Variants in ECSIT observed in about 807,000 individuals in gnomAD.
ECSIT encodes evolutionarily conserved signaling intermediate in Toll pathway, mitochondrial.
In ECSIT, 29 loss-of-function variants were observed where a neutral mutation model predicts 36.8. The ratio of observed to expected loss-of-function variants is 0.79; its 90% confidence interval spans 0.59 to 1.08. The LOEUF is 1.08. Ranked by LOEUF, ECSIT falls within the 50% of genes least tolerant of loss-of-function variation. The pLI is 0.00. For missense variants in ECSIT, 542 were observed against 581.0 expected, an observed-to-expected ratio of 0.93 and a Z score of 0.69; for synonymous variants, 231 against 234.8, an observed-to-expected ratio of 0.98 and a Z score of 0.15.
At chr19:11,513,035 G>A (rs946164348) in intron 4 of ECSIT, 21 bp downstream of exon 4, 6 of 1,611,162 alleles carry the variant, frequency 3.7e-6, no homozygotes, top group East Asian at 2.2e-5. Context: ...GGCAGCTGAC[G>A]CTGTAGACAA....
Position 11,523,644 on chromosome 19 carries a change from T to C in ECSIT, c.-23-4451A>G, listed in dbSNP as rs1972153267. 3 of 808,804 alleles carry C rather than the reference T, an allele frequency of 3.7e-6. No homozygotes were observed. The South Asian group carries it at 4.1e-5, about 11-fold the overall frequency. 50.1% of individuals were successfully genotyped at this position (808,804 alleles called of 1,614,324 possible). A position where few individuals can be genotyped will look rare whatever the true frequency, so the allele number is the denominator to read the frequency against. On this transcript the variant is annotated intron_variant, in intron 1 of 7. Transcript: ENST00000270517. The stretch of plus-strand genomic sequence containing the variant: ...TCAAGCTGGTGGAGTCCCTTTGTGC[T>C]GAGCACCAAATCAACTTAATTAAGG...
At chr19:11,525,932 C>G (rs999822016) in intron 1 of ECSIT, among the ~76,000 whole-genome samples, 1 of 151,378 alleles carries the variant, frequency 6.6e-6, no homozygotes, top group East Asian at 2.0e-4. Flanking sequence ...AAAGCAAAAT[C>G]TCGGCCCTAT....
At chr19:11,515,697 G>C (rs936548409) in intron 2 of ECSIT, among the ~76,000 whole-genome samples, 8 of 150,154 alleles carry the variant, frequency 5.3e-5, no homozygotes, top group African/African-American at 2.0e-4. Flanking sequence ...GCAGTCACAC[G>C]ATCTCAGCTC....
rs1350917283 is a variant in ECSIT at position 11,519,172 on chromosome 19, C to T, written c.-2G>A. On this transcript the variant is annotated 5_prime_UTR_variant, in exon 2 of 8. Transcript: ENST00000270517. The surrounding 1 kb of genome is among the most constrained non-coding windows in gnomAD (Gnocchi z 4.4). Reference sequence around the variant, plus strand: ...TAGGGTGGCCTGGACCCAGCTCATGCCTCTGCTTGTCAGACAATCACCTGG... The same window carrying T: ...TAGGGTGGCCTGGACCCAGCTCATGTCTCTGCTTGTCAGACAATCACCTGG... 6.5e-7 allele frequency: 1 copy of T among 1,549,118 alleles called. No individual in the cohort carries two copies. Among genetic ancestry groups the T allele is most frequent in the Non-Finnish European group, 8.7e-7 (1 of 1,146,636 alleles).
Position 11,506,063 on chromosome 19 carries a change from G to A in ECSIT, c.*121C>T. ...CTGGGGAGGGGATGCCATACTGCTA[G>A]AGATGAGGGAAGAGAGCCCCAAGCA... On this transcript the variant is annotated 3_prime_UTR_variant, in exon 8 of 8. Transcript: ENST00000270517. 6.8e-7 allele frequency: 1 copy of A among 1,472,920 alleles called. No homozygotes were observed. Among genetic ancestry groups the A allele is most frequent in the East Asian group, 2.3e-5 (1 of 43,734 alleles). 91.2% of individuals were successfully genotyped at this position (1,472,920 alleles called of 1,614,324 possible).
At chr19:11,509,712 G>C (rs1411941187) in intron 4 of ECSIT, among the ~76,000 whole-genome samples, 1 of 151,518 alleles carries the variant, frequency 6.6e-6, no homozygotes, top group South Asian at 2.1e-4. Context: ...AGGTTGTAGT[G>C]AGCCGAGATT....
At position 11,506,249 on chromosome 19, in the gene ECSIT, G is replaced by A; in HGVS notation, c.1231C>T (p.Pro411Ser). The change falls in exon 8 of 8, where the codon CCC (proline) becomes TCC (serine). Residue 411 changes from proline (P) to serine (S), a missense_variant. Pro to Ser is a moderately conservative substitution (Grantham distance 74). Transcript: ENST00000270517. ...TCTTCCTGGTGGTCCTCGGGCAGGG[G>A]CGGCTCCTCCAGCCCTGCAGAGGAT... is the stretch of plus-strand genomic sequence containing the variant. ...QTSSAGLEEP[P>S]LPEDHQEEDD... 6.2e-7 allele frequency: 1 copy of A among 1,610,512 alleles called. No homozygotes were observed. The highest frequency in any genetic ancestry group is 8.5e-7 in the Non-Finnish European group (1 of 1,179,868).
intron 1 of ECSIT, among the ~76,000 whole-genome samples, chr19:11,524,988 T>C (rs1260909559): frequency 1.3e-5 from 2 of 151,402 alleles, no homozygotes; most frequent in East Asian, 3.9e-4. Flanking sequence ...AATACAAAAA[T>C]TAGCGGGACA....
chr19:11,519,770 C>T lies in ECSIT; in HGVS notation c.-23-577G>A, dbSNP rs140057155. 0.015 allele frequency: 2,282 copies of T among 154,102 alleles called. 55 individuals carry two copies. The highest frequency in any genetic ancestry group is 0.052 in the African/African-American group (2,151 of 41,478). The allele number at this position is 154,102 out of a possible 1,614,324, so 9.5% of individuals were successfully genotyped here. ...ATCACTCGAAGTTGGGAGTTCGAGACCAGCCTGACCAACATGGAGAAACCC... is the reference window on the plus strand; with the variant it reads ...ATCACTCGAAGTTGGGAGTTCGAGATCAGCCTGACCAACATGGAGAAACCC... On this transcript the variant is annotated intron_variant, in intron 1 of 7. Coordinates refer to ENST00000270517, the MANE Select transcript of ECSIT (RefSeq NM_016581.5). The surrounding 1 kb of genome is among the most constrained non-coding windows in gnomAD (Gnocchi z 4.4).
chr19:11,507,758 T>C lies in ECSIT; in HGVS notation c.889A>G (p.Asn297Asp), dbSNP rs1194589142. The C allele has an allele frequency of 2.5e-6, 4 of 1,613,950 alleles. No homozygotes were observed. In the African/African-American group the frequency reaches 5.3e-5, roughly 22 times the overall value. ...VEGPFSLWLR[N>D]KCVYYHILRA... ...AGGATGTGGTAATACACACACTTGT[T>C]GCGGAGCCACAGGGAGAAGGGGCCC... is the stretch of plus-strand genomic sequence containing the variant. Residue 297 changes from asparagine (N) to aspartate (D), a missense_variant, in exon 6 of 8, where the codon AAC (asparagine) becomes GAC (aspartate). Physicochemically the swap from Asn to Asp is conservative, Grantham distance 23 (BLOSUM62 1). Transcript: ENST00000270517.
Position 11,507,770 on chromosome 19 carries a change from G to A in ECSIT, c.877C>T (p.Leu293=), listed in dbSNP as rs1971782630. 6.2e-7 allele frequency: 1 copy of A among 1,614,130 alleles called. No individual in the cohort carries two copies. Residue 293 remains leucine, a synonymous_variant, in exon 6 of 8, where the codon CTG becomes TTG. Coordinates refer to ENST00000270517, the MANE Select transcript of ECSIT (RefSeq NM_016581.5). Reference sequence around the variant, plus strand: ...TACACACACTTGTTGCGGAGCCACAGGGAGAAGGGGCCCTCAACAAAGACA... The same window carrying A: ...TACACACACTTGTTGCGGAGCCACAAGGAGAAGGGGCCCTCAACAAAGACA... ...RPVFVEGPFS[L]WLRNKCVYYH...
At chr19:11,518,941 T>C in intron 2 of ECSIT, 134 bp downstream of exon 2, 1 of 747,470 alleles carries the variant, frequency 1.3e-6, no homozygotes, top group Non-Finnish European at 2.4e-6. Context: ...CTAAGGACTT[T>C]TAATGGGACC....
chr19:11,508,660 C>A (rs1410599330), intron 4 of ECSIT, among the ~76,000 whole-genome samples: 1 of 152,048 alleles, frequency 6.6e-6, no homozygotes, highest in African/African-American at 2.4e-5. Flanking sequence ...TCAAGCGATT[C>A]TCCTGCGTCG....
At chr19:11,527,443 G>C (rs1336950689) in intron 1 of ECSIT, among the ~76,000 whole-genome samples, 1 of 152,180 alleles carries the variant, frequency 6.6e-6, no homozygotes. Flanking sequence ...CACTTTGGGA[G>C]ACCAAGGTAG....
intron 3 of ECSIT, among the ~76,000 whole-genome samples, 194 bp from the exon 4 acceptor site, chr19:11,513,473 C>G (rs1971915496): frequency 6.6e-6 from 1 of 150,496 alleles, no homozygotes; most frequent in Non-Finnish European, 1.5e-5. Flanking sequence ...TCACTTGAGT[C>G]CAGGAGTTTG....
chr19:11,515,388 C>A (rs889470343), intron 2 of ECSIT, among the ~76,000 whole-genome samples: 1 of 152,118 alleles, frequency 6.6e-6, no homozygotes, highest in African/African-American at 2.4e-5. Context: ...AGGCATGAGC[C>A]ACCGCGCCCG....
rs1971722605 is a variant in ECSIT, at chr19:11,505,944, GCGCTCCCGCC to G, written c.*230_*239del. 1.1e-6 allele frequency: 1 copy of G among 895,322 alleles called. No homozygotes were observed. The highest frequency in any genetic ancestry group is 1.6e-6 in the Non-Finnish European group (1 of 618,528). 55.5% of individuals were successfully genotyped at this position (895,322 alleles called of 1,614,324 possible). The stretch of plus-strand genomic sequence containing the variant: ...AAACTGCGCATGCGCACAACCAACA[GCGCTCCCGCC>G]CCTTTTTATTTGAATTCGGAGAACC... On this transcript the variant is annotated 3_prime_UTR_variant, in exon 8 of 8. Transcript: ENST00000270517.
At chr19:11,522,501 G>A (rs1297255078) in intron 1 of ECSIT, 4 of 1,075,912 alleles carry the variant, frequency 3.7e-6, no homozygotes, top group Non-Finnish European at 5.6e-6. Context: ...TCTTCTAGGG[G>A]TAGGGCCCTC....
chr19:11,515,165 G>A lies in ECSIT; in HGVS notation c.97-944C>T, dbSNP rs567736443. 1.5e-3 allele frequency among the ~76,000 whole-genome samples: 225 copies of A among 148,466 alleles called. 2 individuals are homozygous for A. Among genetic ancestry groups the A allele is most frequent in the South Asian group, 0.015 (69 of 4,734 alleles). ...GTCACCCAGGCTGGAGTGCAGTGGCGCGATCTCGGCTCATTGCAAGCTCCA... is the reference window on the plus strand; with the variant it reads ...GTCACCCAGGCTGGAGTGCAGTGGCACGATCTCGGCTCATTGCAAGCTCCA... On this transcript the variant is annotated intron_variant, in intron 2 of 7. Coordinates refer to ENST00000270517, the MANE Select transcript of ECSIT (RefSeq NM_016581.5).
Sources: gnomAD v4.1 joint callset for allele counts (sites outside exome capture counted in the v4.1 genomes callset) on GRCh38, gnomAD v4.1.1 for gene constraint, Gnocchi (gnomAD v3.1) non-coding constraint, MANE v1.5 for transcripts, NCBI Gene and HGNC (gene_info 2026-07-23, HGNC 2026-07-21) for gene names.